The following USH2A variants were observed in gnomAD, a reference collection of about 807,000 sequenced individuals.
USH2A encodes the protein usherin, also known as Usher syndrome 2A (autosomal recessive, mild).
USH2A carries 443 observed loss-of-function variants against 538.9 expected under a neutral mutation model. The observed-to-expected ratio is 0.82, with a 90% confidence interval of 0.76 to 0.89. The LOEUF (loss-of-function observed/expected upper bound fraction) is 0.89. Among genes scored for constraint, USH2A ranks in the 40% least tolerant of loss-of-function variants. The pLI is 0.00. For synonymous variants in USH2A, 2,413 were observed against 2,273.5 expected (o/e 1.06, Z -1.75); for missense variants, 6,633 against 6,324.8 (o/e 1.05, Z -1.65).
chr1:216,001,718 C>A (rs1004307035), intron 32 of USH2A, among the ~76,000 whole-genome samples: 4 of 152,006 alleles, frequency 2.6e-5, no homozygotes, highest in Admixed American at 2.0e-4. Flanking sequence ...TGAAATGCAA[C>A]CTAATTCAGG....
intron 4 of USH2A, among the ~76,000 whole-genome samples, chr1:216,362,301 TA>T (rs1190625242): frequency 6.6e-6 from 1 of 152,080 alleles, no homozygotes; most frequent in African/African-American, 2.4e-5. Context: ...AAGGAATTCA[TA>T]AATGAAATGC....
intron 34 of USH2A, among the ~76,000 whole-genome samples, chr1:215,996,203 G>A (rs1668131614): frequency 6.6e-6 from 1 of 152,144 alleles, no homozygotes; most frequent in Admixed American, 6.5e-5. Flanking sequence ...AAGCCAGTGT[G>A]CCCGGACCAA....
intron 44 of USH2A, among the ~76,000 whole-genome samples, chr1:215,851,391 C>T (rs1664011539): frequency 6.6e-6 from 1 of 152,014 alleles, no homozygotes; most frequent in South Asian, 2.1e-4. Context: ...CACAGAAATA[C>T]AAAAGATCAT....
rs556473661 is a variant in USH2A, at chr1:216,286,091, T to C, written c.1971+3189A>G. On this transcript the variant is annotated intron_variant, in intron 11 of 71. Transcript: ENST00000307340. ...GTGGGGGACTCTTGGAAGGGCATGA[T>C]TTTGTTTTGAATGGTGAGAACATGA... Among the ~76,000 whole-genome samples the C allele has an allele frequency of 3.3e-4, 50 of 152,178 alleles. 1 individual carries two copies. In the South Asian group the frequency reaches 0.01, roughly 31 times the overall value.
intron 11 of USH2A, among the ~76,000 whole-genome samples, chr1:216,257,000 T>A (rs1046025783): frequency 6.6e-6 from 1 of 151,978 alleles, no homozygotes; most frequent in African/African-American, 2.4e-5. Flanking sequence ...ACATTTTACT[T>A]ACACATGTTA....
chr1:216,147,630 A>G lies in USH2A; in HGVS notation c.4627+27622T>C, dbSNP rs1457099571. ...AATAAAACTCCAAAAATTAAATTCC[A>G]GCCCGCAAACCCCACAACAGGATTT... On this transcript the variant is annotated intron_variant, in intron 21 of 71. Coordinates refer to ENST00000307340, the MANE Select transcript of USH2A (RefSeq NM_206933.4). Among the ~76,000 whole-genome samples the G allele has an allele frequency of 7.3e-5, 11 of 151,130 alleles. No individual in the cohort carries two copies. In the East Asian group the frequency reaches 2.0e-3, roughly 27 times the overall value.
intron 49 of USH2A, among the ~76,000 whole-genome samples, chr1:215,804,705 C>T (rs1469246962): frequency 2.0e-5 from 3 of 151,940 alleles, no homozygotes; most frequent in Non-Finnish European, 2.9e-5. Flanking sequence ...ACTAGTTCAA[C>T]CATTGTGGAA....
At position 216,175,449 on chromosome 1, in the gene USH2A, C is replaced by T. The variant is rs775451993; in HGVS notation, c.4430G>A (p.Gly1477Glu). 3 of 1,613,640 alleles carry T rather than the reference C, an allele frequency of 1.9e-6. No individual in the cohort carries two copies. Among genetic ancestry groups the T allele is most frequent in the African/African-American group, 2.7e-5 (2 of 74,916 alleles). Residue 1477 changes from glycine (G) to glutamate (E), a missense_variant, in exon 21 of 72, where the codon GGA becomes GAA. Gly to Glu is a moderately conservative substitution (Grantham distance 98). Coordinates refer to ENST00000307340, the MANE Select transcript of USH2A (RefSeq NM_206933.4). Reference protein sequence around the residue: ...PAQLRPPLVKGINSTTIHLRW... With the variant: ...PAQLRPPLVKEINSTTIHLRW... Reference sequence around the variant, plus strand: ...AAGATGGATTGTTGTGCTGTTGATTCCTTTAACCAGAGGTGGCCTCAGTTG... The same window carrying T: ...AAGATGGATTGTTGTGCTGTTGATTTCTTTAACCAGAGGTGGCCTCAGTTG...
At chr1:215,921,575 G>T (rs900930429) in intron 38 of USH2A, among the ~76,000 whole-genome samples, 6 of 151,994 alleles carry the variant, frequency 3.9e-5, no homozygotes, top group Admixed American at 1.3e-4. Flanking sequence ...GATTAGTGGG[G>T]CATCAAAATC....
intron 52 of USH2A, among the ~76,000 whole-genome samples, chr1:215,786,208 G>A (rs979107309): frequency 3.3e-5 from 5 of 152,154 alleles, no homozygotes; most frequent in Non-Finnish European, 7.3e-5. Context: ...GAGATGACCA[G>A]CCATCTTGGA....
chr1:215,938,952 T>C (rs1666570445), intron 37 of USH2A, among the ~76,000 whole-genome samples: 1 of 152,200 alleles, frequency 6.6e-6, no homozygotes, highest in Non-Finnish European at 1.5e-5. Flanking sequence ...CTGGGATCAC[T>C]AGCTTTGACT....
chr1:215,867,277 T>A, intron 43 of USH2A, 107 bp from the exon 44 acceptor site: 1 of 1,211,756 alleles, frequency 8.3e-7, no homozygotes, highest in Non-Finnish European at 1.2e-6. Flanking sequence ...CTTCCACCCC[T>A]CTACAAAATA....
chr1:216,230,397 G>T (rs952191814), intron 14 of USH2A, among the ~76,000 whole-genome samples: 11 of 152,126 alleles, frequency 7.2e-5, no homozygotes, highest in African/African-American at 2.7e-4. Flanking sequence ...CTGTAGAAAA[G>T]AGTCACAATG....
chr1:216,208,212 G>A (rs4587588), intron 15 of USH2A, among the ~76,000 whole-genome samples: 2 of 151,886 alleles, frequency 1.3e-5, no homozygotes, highest in Non-Finnish European at 2.9e-5. Flanking sequence ...AGATAAAGGA[G>A]AAAAACAACA....
chr1:216,081,423 A>C (rs1290320585), intron 26 of USH2A, among the ~76,000 whole-genome samples: 2 of 152,152 alleles, frequency 1.3e-5, no homozygotes, highest in Non-Finnish European at 2.9e-5. Flanking sequence ...AGTCAGTATA[A>C]TAGAAAGAGT....
intron 9 of USH2A, among the ~76,000 whole-genome samples, chr1:216,312,066 C>T (rs1176039263): frequency 6.6e-6 from 1 of 151,840 alleles, no homozygotes; most frequent in Non-Finnish European, 1.5e-5. Context: ...GAAGTTCTTC[C>T]TTTAACATTC....
At chr1:215,942,685 T>C (rs377571422) in intron 37 of USH2A, among the ~76,000 whole-genome samples, 12 of 152,248 alleles carry the variant, frequency 7.9e-5, no homozygotes, top group African/African-American at 2.4e-4. Context: ...ATGACCGACA[T>C]GAATTTTGAA....
In USH2A at chr1:215,875,263, T is replaced by G. The variant is rs144560902; in HGVS notation, c.8681+2495A>C. 5.6e-3 allele frequency among the ~76,000 whole-genome samples: 859 copies of G among 152,286 alleles called. 7 individuals carry two copies. The highest frequency in any genetic ancestry group is 0.019 in the African/African-American group (804 of 41,562). ...GATTCTTATAAAGACTCACGCCATT[T>G]ACACTGAATGTTAAGAAGAAATGCT... On this transcript the variant is annotated intron_variant, in intron 43 of 71. Coordinates refer to ENST00000307340, the MANE Select transcript of USH2A (RefSeq NM_206933.4).
chr1:216,232,777 C>CT (rs951155467), intron 13 of USH2A, among the ~76,000 whole-genome samples: 7 of 152,154 alleles, frequency 4.6e-5, no homozygotes, highest in Non-Finnish European at 1.0e-4. Context: ...TCACCAACCA[C>CT]TTTTTTTATA....
Sources: gnomAD v4.1 joint callset for allele counts (sites outside exome capture counted in the v4.1 genomes callset) on GRCh38, gnomAD v4.1.1 for gene constraint, MANE v1.5 for transcripts, NCBI Gene and HGNC (gene_info 2026-07-23, HGNC 2026-07-21) for gene names.